The following DTNA variants were observed in gnomAD, a reference collection of about 807,000 sequenced individuals.
DTNA encodes the protein dystrobrevin alpha.
Under a neutral mutation model 100.7 loss-of-function variants are expected in DTNA, and 43 were observed. The ratio of observed to expected loss-of-function variants is 0.43; its 90% CI spans 0.33 to 0.55. The LOEUF is 0.55. DTNA is among the 20% of genes least tolerant of loss of function. DTNA has a pLI of 0.04. For synonymous variants in DTNA, 349 were observed against 347.9 expected, an observed-to-expected ratio of 1.00 and a Z score of -0.04; for missense variants, 798 against 953.9, an observed-to-expected ratio of 0.84 and a Z score of 2.15.
chr18:34,556,632 C>T (rs1209210524), intron 1 of DTNA, among the ~76,000 whole-genome samples: 1 of 151,984 alleles, frequency 6.6e-6, no homozygotes, highest in African/African-American at 2.4e-5. Flanking sequence ...ACTTATGAAG[C>T]TTAGTTTGGC....
At chr18:34,574,570 A>G (rs2047927687) in intron 1 of DTNA, 1 of 152,312 alleles carries the variant, frequency 6.6e-6, no homozygotes, top group Non-Finnish European at 1.5e-5. Flanking sequence ...ACACACTCAC[A>G]TGTTTTTGGA....
chr18:34,811,813 T>G, intron 5 of DTNA, 146 bp from the exon 6 acceptor site: 1 of 928,262 alleles, frequency 1.1e-6, no homozygotes, highest in South Asian at 1.6e-5. Flanking sequence ...CCAGGAATAT[T>G]TCAGCATAAA....
In DTNA at chr18:34,538,634, G is replaced by A. The variant is rs1363017927; in HGVS notation, c.-2+45120G>A. Among the ~76,000 whole-genome samples, 8 of 152,078 alleles carry A rather than the reference G, an allele frequency of 5.3e-5. No individual in the cohort carries two copies. In the East Asian group the frequency reaches 9.7e-4, roughly 18 times the overall value. ...GAAAATAAAAAAATCTTGTATAAAT[G>A]TTGGGAGGGTTAAATTTGGTAATCC... On this transcript the variant is annotated intron_variant, in intron 1 of 19. Coordinates refer to the DTNA transcript ENST00000283365.
chr18:34,765,493 A>G (rs2093420818), intron 2 of DTNA, among the ~76,000 whole-genome samples: 1 of 152,178 alleles, frequency 6.6e-6, no homozygotes, highest in South Asian at 2.1e-4. Context: ...AAGTGAGAAA[A>G]CTGAAGCTCT....
At chr18:34,544,836 A>G (rs1454023669) in intron 1 of DTNA, among the ~76,000 whole-genome samples, 5 of 151,796 alleles carry the variant, frequency 3.3e-5, no homozygotes, top group Admixed American at 6.6e-5. Flanking sequence ...GAGACTTGCA[A>G]TGGGTAAAAC....
chr18:34,859,403 G>A (rs1205486794), intron 16 of DTNA, among the ~76,000 whole-genome samples: 1 of 152,156 alleles, frequency 6.6e-6, no homozygotes, highest in Non-Finnish European at 1.5e-5. Context: ...GAGTTTTCTG[G>A]GGTTTAAATA....
intron 1 of DTNA, among the ~76,000 whole-genome samples, chr18:34,642,534 T>TTTCC (rs1417467089): frequency 4.0e-5 from 6 of 151,520 alleles, no homozygotes; most frequent in South Asian, 2.1e-4. Context: ...TCCTTCTTTC[T>TTTCC]TTCCTTCCTT....
chr18:34,554,333 G>GAC, intron 1 of DTNA, among the ~76,000 whole-genome samples: 1 of 143,222 alleles, frequency 7.0e-6, no homozygotes, highest in Non-Finnish European at 1.5e-5. Flanking sequence ...GGGACAATTT[G>GAC]ACTTCCTCTT....
intron 1 of DTNA, among the ~76,000 whole-genome samples, chr18:34,602,234 G>T (rs2052018618): frequency 6.6e-6 from 1 of 152,108 alleles, no homozygotes; most frequent in Non-Finnish European, 1.5e-5. Context: ...ATATTTTAAG[G>T]TCCTTTGAAT....
In DTNA at chr18:34,890,115, T is replaced by A; in HGVS notation, c.*2381T>A. On this transcript the variant is annotated 3_prime_UTR_variant, in exon 23 of 23. Transcript: ENST00000444659. ...TATGTTGTTTCTTTGTGTTTCTACA[T>A]CAAAATGTTCGTCTAAGATTTGAAC... 2.1e-6 allele frequency: 3 copies of A among 1,403,514 alleles called. No homozygotes were observed. Among genetic ancestry groups the A allele is most frequent in the Non-Finnish European group, 2.8e-6 (3 of 1,083,762 alleles). 86.9% of individuals were successfully genotyped at this position (1,403,514 alleles called of 1,614,324 possible). A position where few individuals can be genotyped will look rare whatever the true frequency, so the allele number is the denominator to read the frequency against.
intron 2 of DTNA, among the ~76,000 whole-genome samples, chr18:34,761,955 C>T (rs148634569): frequency 6.6e-6 from 1 of 151,664 alleles, no homozygotes; most frequent in Non-Finnish European, 1.5e-5. Context: ...AAAAATGTAA[C>T]GAGAAAATTC....
At chr18:34,565,290 G>A (rs2046987946) in intron 1 of DTNA, among the ~76,000 whole-genome samples, 1 of 152,120 alleles carries the variant, frequency 6.6e-6, no homozygotes. Flanking sequence ...ATTAAAAATA[G>A]AGAAGAAATT....
intron 3 of DTNA, among the ~76,000 whole-genome samples, chr18:34,783,250 A>C (rs879931485): frequency 3.3e-5 from 5 of 152,194 alleles, no homozygotes; most frequent in Admixed American, 3.3e-4. Context: ...CTGAGTCAAC[A>C]ATTTTCATAC....
chr18:34,610,706 A>G (rs757924092), intron 1 of DTNA, among the ~76,000 whole-genome samples: 3 of 152,198 alleles, frequency 2.0e-5, no homozygotes, highest in Non-Finnish European at 4.4e-5. Flanking sequence ...GCTGTTGTCC[A>G]TTTCTTTAAT....
At chr18:34,672,988 G>A (rs947704095) in intron 1 of DTNA, among the ~76,000 whole-genome samples, 12 of 151,892 alleles carry the variant, frequency 7.9e-5, no homozygotes, top group Non-Finnish European at 1.0e-4. Flanking sequence ...ACACATACCC[G>A]CAGTTTAAAA....
chr18:34,652,788 C>T (rs765220044), intron 1 of DTNA, among the ~76,000 whole-genome samples: 120 of 152,236 alleles, frequency 7.9e-4, no homozygotes, highest in Admixed American at 2.2e-3. Context: ...AAGCAGTTAA[C>T]GTGAATCCGA....
intron 1 of DTNA, among the ~76,000 whole-genome samples, chr18:34,635,758 T>G (rs1404872661): frequency 5.3e-5 from 8 of 152,162 alleles, no homozygotes; most frequent in Non-Finnish European, 1.2e-4. Context: ...CAATCAAAAG[T>G]CTTTTAGGTA....
chr18:34,533,836 T>G (rs1408170194), intron 1 of DTNA, among the ~76,000 whole-genome samples: 1 of 152,114 alleles, frequency 6.6e-6, no homozygotes, highest in Non-Finnish European at 1.5e-5. Flanking sequence ...ATGGAAATCT[T>G]ATGACAATCG....
At chr18:34,867,397 C>G in intron 17 of DTNA, 2 of 1,228,290 alleles carry the variant, frequency 1.6e-6, no homozygotes, top group East Asian at 3.2e-5. Context: ...TAACAGAAGA[C>G]AGTCCCCCTG....
Sources: gnomAD v4.1 joint callset for allele counts (sites outside exome capture counted in the v4.1 genomes callset) on GRCh38, gnomAD v4.1.1 for gene constraint, MANE v1.5 for transcripts, NCBI Gene and HGNC (gene_info 2026-07-23, HGNC 2026-07-21) for gene names.